Variants in PLD5 observed in about 807,000 individuals in gnomAD.
PLD5 encodes the protein phospholipase D family member 5, also known as inactive phospholipase D5.
A neutral mutation model predicts 61.1 loss-of-function variants in PLD5; 36 were observed. The observed-to-expected ratio is 0.59, with a 90% CI of 0.45 to 0.78. The LOEUF (loss-of-function observed/expected upper bound fraction) is 0.78, where lower values mean the gene tolerates loss of function less well. PLD5 is among the 30% of genes least tolerant of loss of function. The pLI, the probability that PLD5 is intolerant of heterozygous loss-of-function variation, is 0.00. For synonymous variants in PLD5, 243 were observed against 242.8 expected (o/e 1.00, Z -0.01); for missense variants, 515 against 644.4 (o/e 0.80, Z 2.17).
intron 1 of PLD5, among the ~76,000 whole-genome samples, chr1:242,372,678 A>C (rs1355994789): frequency 6.6e-6 from 1 of 152,232 alleles, no homozygotes; most frequent in African/African-American, 2.4e-5. Context: ...ACCTGACAAA[A>C]ACAAGAAATG....
At chr1:242,285,551 G>A (rs1014867500) in intron 3 of PLD5, among the ~76,000 whole-genome samples, 31 of 151,780 alleles carry the variant, frequency 2.0e-4, no homozygotes, top group Non-Finnish European at 3.7e-4. Flanking sequence ...TCATGGTGGA[G>A]GCTAGCCTCT....
At chr1:242,373,603 T>C (rs1272124945) in intron 1 of PLD5, among the ~76,000 whole-genome samples, 2 of 152,160 alleles carry the variant, frequency 1.3e-5, no homozygotes, top group Non-Finnish European at 2.9e-5. Context: ...ATATACACCA[T>C]GGAATACTAT....
chr1:242,370,019 G>A (rs556572590), intron 1 of PLD5, among the ~76,000 whole-genome samples: 1 of 152,266 alleles, frequency 6.6e-6, no homozygotes. Context: ...ACTTCTGGGA[G>A]TAGAACACTG....
intron 4 of PLD5, among the ~76,000 whole-genome samples, chr1:242,245,459 G>A (rs1397330327): frequency 6.6e-6 from 1 of 152,212 alleles, no homozygotes; most frequent in Non-Finnish European, 1.5e-5. Context: ...TCAAGCGCTT[G>A]CCTGTTCAGC....
At chr1:242,098,698 G>C (rs187133117) in intron 9 of PLD5, among the ~76,000 whole-genome samples, 1 of 152,068 alleles carries the variant, frequency 6.6e-6, no homozygotes, top group Non-Finnish European at 1.5e-5. Flanking sequence ...TTTTATCTAC[G>C]TTTGGTCTTT....
intron 1 of PLD5, among the ~76,000 whole-genome samples, chr1:242,357,061 T>A (rs1489220343): frequency 3.1e-4 from 2 of 6,390 alleles, no homozygotes; most frequent in East Asian, 0.022. Flanking sequence ...TTAGAAGCAT[T>A]TTTTTTTTTA....
intron 1 of PLD5, among the ~76,000 whole-genome samples, chr1:242,373,792 G>T (rs1278449724): frequency 2.6e-5 from 4 of 152,044 alleles, no homozygotes; most frequent in African/African-American, 9.7e-5. Flanking sequence ...ACACACCAGG[G>T]CCTGTTGTGC....
At chr1:242,103,495 T>A (rs1558222705) in intron 8 of PLD5, among the ~76,000 whole-genome samples, 1 of 152,220 alleles carries the variant, frequency 6.6e-6, no homozygotes, top group Non-Finnish European at 1.5e-5. Context: ...CTCACTTCCT[T>A]TTTGCTGGAG....
rs551241705 is a variant in PLD5, at chr1:242,086,082, G to A, written c.*3772C>T. On this transcript the variant is annotated 3_prime_UTR_variant, in exon 10 of 10. Coordinates refer to ENST00000536534, the MANE Select transcript of PLD5 (RefSeq NM_001372062.1). ...CTTCTATCCATCCCAGGTTCATCGA[G>A]GCACTTAAACCATTAACTGCATTTC... is the stretch of plus-strand genomic sequence containing the variant. 6.6e-6 allele frequency: 1 copy of A among 152,144 alleles called. No homozygotes were observed. Among genetic ancestry groups the A allele is most frequent in the South Asian group, 2.1e-4 (1 of 4,820 alleles). The allele number at this position is 152,144 out of a possible 1,614,324, so 9.4% of individuals were successfully genotyped here.
chr1:242,227,173 T>A (rs987892837), intron 4 of PLD5, among the ~76,000 whole-genome samples: 1 of 152,184 alleles, frequency 6.6e-6, no homozygotes, highest in African/African-American at 2.4e-5. Context: ...TTGAGGACAC[T>A]AATGTTTGCT....
rs116144854 is a variant in PLD5, at chr1:242,145,817, C to T, written c.736-21152G>A. On this transcript the variant is annotated intron_variant, in intron 5 of 9. Transcript: ENST00000536534. ...CCTCCTGAGTAGCTGGGATTATAGG[C>T]GCACACCAGCACCACACCCAGCTAA... 9.1e-3 allele frequency among the ~76,000 whole-genome samples: 1,385 copies of T among 152,150 alleles called. 10 individuals carry two copies. The highest frequency in any genetic ancestry group is 0.014 in the Non-Finnish European group (976 of 67,990).
At chr1:242,340,552 T>G (rs1659772115) in intron 2 of PLD5, among the ~76,000 whole-genome samples, 1 of 151,458 alleles carries the variant, frequency 6.6e-6, no homozygotes, top group Admixed American at 6.6e-5. Flanking sequence ...TGCCCCTTAA[T>G]AAGAAGAATA....
chr1:242,512,104 G>A (rs989968411), intron 1 of PLD5, among the ~76,000 whole-genome samples: 1 of 152,050 alleles, frequency 6.6e-6, no homozygotes, highest in Non-Finnish European at 1.5e-5. Context: ...AGGCTGGCCG[G>A]CCTTTAAGAG....
At chr1:242,250,716 G>A (rs1043960116) in intron 4 of PLD5, among the ~76,000 whole-genome samples, 1 of 152,146 alleles carries the variant, frequency 6.6e-6, no homozygotes, top group Admixed American at 6.6e-5. Flanking sequence ...CCAAAAAATT[G>A]GTAAAGCAAG....
chr1:242,415,454 C>T (rs1032144063), intron 1 of PLD5, among the ~76,000 whole-genome samples: 6 of 151,756 alleles, frequency 4.0e-5, no homozygotes, highest in Admixed American at 2.6e-4. Context: ...TTCCATCAAA[C>T]ATCAGTCAAC....
chr1:242,162,644 T>C (rs931573068), intron 5 of PLD5, among the ~76,000 whole-genome samples: 2 of 152,184 alleles, frequency 1.3e-5, no homozygotes, highest in Admixed American at 1.3e-4. Context: ...TATGTGTGGT[T>C]GAGTATTTCT....
intron 1 of PLD5, among the ~76,000 whole-genome samples, chr1:242,357,566 A>T (rs1372282711): frequency 1.3e-5 from 2 of 149,710 alleles, no homozygotes; most frequent in African/African-American, 4.9e-5. Flanking sequence ...GCTCACTGCA[A>T]CCTCCGCCTC....
intron 3 of PLD5, 62 bp from the exon 4 acceptor site, chr1:242,265,510 G>T: frequency 1.5e-6 from 2 of 1,362,852 alleles, no homozygotes; most frequent in Non-Finnish European, 2.0e-6. Flanking sequence ...AATTTAGACA[G>T]GTAAAAATAA....
intron 5 of PLD5, among the ~76,000 whole-genome samples, chr1:242,197,632 ACT>A (rs1491552507): frequency 2.8e-5 from 4 of 141,456 alleles, no homozygotes; most frequent in African/African-American, 1.1e-4. Flanking sequence ...TTAATTGCAC[ACT>A]TTTTTTTTTT....
Sources: allele counts gnomAD v4.1 joint callset (sites outside exome capture counted in the v4.1 genomes callset), GRCh38; gene constraint gnomAD v4.1.1; transcripts MANE v1.5; gene names NCBI Gene and HGNC (gene_info 2026-07-23, HGNC 2026-07-21).